Variants in ZBTB5 observed in about 807,000 individuals in gnomAD.
The protein encoded by ZBTB5 is zinc finger and BTB domain-containing protein 5.
ZBTB5 carries 15 observed loss-of-function variants against 37.9 expected under a neutral mutation model. The ratio of observed to expected loss-of-function variants is 0.40; its 90% CI spans 0.26 to 0.61. ZBTB5 has a LOEUF of 0.61. Ranked by LOEUF, ZBTB5 falls within the 20% of genes least tolerant of loss-of-function variation. The pLI is 0.47. For missense variants in ZBTB5, 708 were observed against 856.8 expected (o/e 0.83, Z 2.17); for synonymous variants, 315 against 312.4 (o/e 1.01, Z -0.09).
At chr9:37,456,448 G>GA (rs1405205840) in intron 1 of ZBTB5, among the ~76,000 whole-genome samples, 10 of 152,242 alleles carry the variant, frequency 6.6e-5, no homozygotes, top group Non-Finnish European at 1.2e-4. Flanking sequence ...GTTCTGCTCT[G>GA]TCAGGGTTGG....
chr9:37,442,197 A>G lies in ZBTB5; in HGVS notation c.355T>C (p.Leu119=), dbSNP rs767105528. Residue 119 remains leucine (L), a synonymous_variant, in exon 2 of 2, where the codon TTA becomes CTA. Coordinates refer to ENST00000307750, the MANE Select transcript of ZBTB5 (RefSeq NM_014872.3). ...NSVVKACKHY[L]TTRTLPMSPP... ...GACATGGGCAGCGTCCTTGTCGTTA[A>G]GTAATGTTTACATGCCTTAACAACA... 33 of 1,614,128 alleles carry G rather than the reference A, an allele frequency of 2.0e-5. No individual in the cohort carries two copies. In the Middle Eastern group the frequency reaches 4.9e-4, roughly 24 times the overall value.
intron 1 of ZBTB5, among the ~76,000 whole-genome samples, chr9:37,450,987 G>A (rs1405324706): frequency 2.6e-5 from 4 of 151,952 alleles, no homozygotes; most frequent in Admixed American, 6.6e-5. Flanking sequence ...ACAGGAACCT[G>A]GGCAACATGG....
At position 37,441,786 on chromosome 9, in the gene ZBTB5, T is replaced by A; in HGVS notation, c.766A>T (p.Ser256Cys). 8 of 1,614,082 alleles carry A rather than the reference T, an allele frequency of 5.0e-6. No homozygotes were observed. Among genetic ancestry groups the A allele is most frequent in the Non-Finnish European group, 6.8e-6 (8 of 1,179,988 alleles). ...AAAGACTGATCAAACATGATCGCACTATCTTCCTGGTTATCAGTCATTCCA... is the reference window on the plus strand; with the variant it reads ...AAAGACTGATCAAACATGATCGCACAATCTTCCTGGTTATCAGTCATTCCA... ...ADGMTDNQED[S>C]AIMFDQSFGT... The change falls in exon 2 of 2, where the codon AGT (serine) becomes TGT (cysteine). Residue 256 changes from serine to cysteine, a missense_variant. Ser to Cys is a moderately radical substitution (Grantham distance 112). Transcript: ENST00000307750.
chr9:37,465,137 T>G (rs1187359227), intron 1 of ZBTB5, 78 bp downstream of exon 1: 1 of 152,472 alleles, frequency 6.6e-6, no homozygotes, highest in African/African-American at 2.4e-5. Context: ...CCCCGACGCC[T>G]TGGCGCGCCC....
chr9:37,454,088 C>G (rs867548661), intron 1 of ZBTB5, among the ~76,000 whole-genome samples: 6 of 152,182 alleles, frequency 3.9e-5, no homozygotes, highest in African/African-American at 1.4e-4. Context: ...ACATGAAGTT[C>G]AAATTACATC....
At position 37,462,761 on chromosome 9, in the gene ZBTB5, A is replaced by ATGGTGAAACC. The variant is rs1824318328; in HGVS notation, c.-5+2453_-5+2454insGGTTTCACCA. Among the ~76,000 whole-genome samples the ATGGTGAAACC allele has an allele frequency of 2.0e-5, 3 of 151,986 alleles. No homozygotes were observed. The South Asian group carries it at 6.2e-4, about 32-fold the overall frequency. On this transcript the variant is annotated intron_variant, in intron 1 of 1. Transcript: ENST00000307750. ...GTATTTTTAGTAGAGACAGGGTTTCACCATGTTGGCCAGATTGGTCTTGAA... is the reference window on the plus strand; with the variant it reads ...GTATTTTTAGTAGAGACAGGGTTTCATGGTGAAACCCCATGTTGGCCAGATTGGTCTTGAA...
At position 37,439,682 on chromosome 9, in the gene ZBTB5, A is replaced by C. The variant is rs1340373556; in HGVS notation, c.*836T>G. The C allele has an allele frequency of 1.3e-5, 2 of 152,214 alleles. No individual in the cohort carries two copies. The highest frequency in any genetic ancestry group is 4.8e-5 in the African/African-American group (2 of 41,456). 9.4% of individuals were successfully genotyped at this position (152,214 alleles called of 1,614,324 possible). On this transcript the variant is annotated 3_prime_UTR_variant, in exon 2 of 2. Transcript: ENST00000307750. Reference sequence around the variant, plus strand: ...GGAAGACCCCACAAAACATGACTCCACATCAGCAGAACAAAGACAAACACA... The same window carrying C: ...GGAAGACCCCACAAAACATGACTCCCCATCAGCAGAACAAAGACAAACACA...
chr9:37,460,777 A>C (rs114967426), intron 1 of ZBTB5, among the ~76,000 whole-genome samples: 2,745 of 151,952 alleles, frequency 0.018, 75 homozygotes, highest in African/African-American at 0.062. Flanking sequence ...TGGGTGGGGG[A>C]GGGTTGCTTG....
At chr9:37,451,555 C>CAAAAAAAAAAAAAAAAA (rs67502719) in intron 1 of ZBTB5, among the ~76,000 whole-genome samples, 21 of 72,734 alleles carry the variant, frequency 2.9e-4, no homozygotes, top group African/African-American at 1.1e-3. Context: ...GAGACTATCT[C>CAAAAAAAAAAAAAAAAA]AAAAAAAAAA....
intron 1 of ZBTB5, among the ~76,000 whole-genome samples, chr9:37,443,007 G>A (rs1050161113): frequency 1.1e-4 from 16 of 152,168 alleles, no homozygotes; most frequent in Admixed American, 5.9e-4. Flanking sequence ...ATAGATGGTA[G>A]CAGATTGCAC....
At chr9:37,444,198 GTTTT>G (rs966181994) in intron 1 of ZBTB5, among the ~76,000 whole-genome samples, 2 of 152,094 alleles carry the variant, frequency 1.3e-5, no homozygotes, top group African/African-American at 2.4e-5. Flanking sequence ...GTAAGAAATG[GTTTT>G]TTGTTTTGTT....
chr9:37,453,835 C>A (rs1824143035), intron 1 of ZBTB5, among the ~76,000 whole-genome samples: 2 of 152,206 alleles, frequency 1.3e-5, no homozygotes, highest in Admixed American at 6.5e-5. Context: ...AAGAGACTAT[C>A]TCAACCCAGA....
At chr9:37,442,874 A>T (rs990815489) in intron 1 of ZBTB5, among the ~76,000 whole-genome samples, 3 of 152,234 alleles carry the variant, frequency 2.0e-5, no homozygotes, top group Non-Finnish European at 4.4e-5. Context: ...TCTATCCCAC[A>T]GAAGTTTGTT....
In ZBTB5 at chr9:37,440,540, T is replaced by C. The variant is rs149814405; in HGVS notation, c.2012A>G (p.Asn671Ser). The stretch of plus-strand genomic sequence containing the variant: ...CAGCTAGAGCAAAGTGCTGGGAAGA[T>C]TGCTGCTCTGCCAGCGCAGGCAGGT... Reference protein sequence around the residue: ...KTTCLRWQSSNLPSTLL With the variant: ...KTTCLRWQSSSLPSTLL Residue 671 changes from asparagine (N) to serine (S), a missense_variant, in exon 2 of 2, where the codon AAT becomes AGT. This residue lies in a region of ZBTB5 where 42 missense variants were observed against 107.9 expected (regional missense o/e 0.39). Transcript: ENST00000307750. 55 of 1,614,214 alleles carry C rather than the reference T, an allele frequency of 3.4e-5. No homozygotes were observed. The highest frequency in any genetic ancestry group is 2.0e-4 in the Admixed American group (12 of 60,030).
intron 1 of ZBTB5, among the ~76,000 whole-genome samples, chr9:37,452,198 A>T (rs1159141764): frequency 6.6e-6 from 1 of 152,218 alleles, no homozygotes; most frequent in East Asian, 1.9e-4. Context: ...TAGGTCTGAT[A>T]TCTTTCGCTG....
At chr9:37,459,856 G>C (rs309441) in intron 1 of ZBTB5, among the ~76,000 whole-genome samples, 2 of 151,236 alleles carry the variant, frequency 1.3e-5, no homozygotes, top group Non-Finnish European at 2.9e-5. Flanking sequence ...GACTACGGGC[G>C]CCCGCCACCA....
At position 37,441,059 on chromosome 9, in the gene ZBTB5, C is replaced by G. The variant is rs1823862373; in HGVS notation, c.1493G>C (p.Gly498Ala). The G allele has an allele frequency of 6.2e-7, 1 of 1,614,034 alleles. No homozygotes were observed. The highest frequency in any genetic ancestry group is 1.1e-5 in the South Asian group (1 of 91,084). Residue 498 changes from glycine to alanine, a missense_variant, in exon 2 of 2, where the codon GGA becomes GCA. By Grantham distance (60) the Gly-to-Ala change is moderately conservative. This residue lies in a region of ZBTB5 where 639 missense variants were observed against 690.5 expected (regional missense o/e 0.93). Transcript: ENST00000307750. ...LPCVQTSGYQGGEQFGMDFSR... is the reference protein window; with the variant it reads ...LPCVQTSGYQAGEQFGMDFSR... ...AAAGTCCATCCCAAACTGTTCTCCT[C>G]CTTGGTAGCCTGAAGTCTGCACACA...
chr9:37,452,905 C>A (rs146114411), intron 1 of ZBTB5, among the ~76,000 whole-genome samples: 190 of 152,268 alleles, frequency 1.2e-3, no homozygotes, highest in African/African-American at 4.2e-3. Context: ...CTGTTAAGCA[C>A]ACAATAGCTA....
At chr9:37,460,464 G>A (rs1354844963) in intron 1 of ZBTB5, among the ~76,000 whole-genome samples, 2 of 151,480 alleles carry the variant, frequency 1.3e-5, no homozygotes, top group Non-Finnish European at 2.9e-5. Context: ...GCCAGATGCG[G>A]GGCTCACACC....
Sources: gnomAD v4.1 joint callset for allele counts (sites outside exome capture counted in the v4.1 genomes callset) on GRCh38, gnomAD v4.1.1 for gene constraint, gnomAD v4.1.1 regional missense constraint, MANE v1.5 for transcripts, NCBI Gene and HGNC (gene_info 2026-07-23, HGNC 2026-07-21) for gene names.